Variants in SPOCK3 observed in about 807,000 individuals in gnomAD.
SPOCK3 encodes SPARC (osteonectin), cwcv and kazal like domains proteoglycan 3, also known as testican-3.
SPOCK3 carries 30 observed loss-of-function variants against 56.6 expected under a neutral mutation model. The observed-to-expected ratio is 0.53, with a 90% CI of 0.40 to 0.72. SPOCK3 has a LOEUF of 0.72. SPOCK3 is among the 30% of genes least tolerant of loss of function. SPOCK3 has a pLI of 0.00. For missense variants in SPOCK3, 527 were observed against 530.0 expected (o/e 0.99, Z 0.06); for synonymous variants, 196 against 183.3 (o/e 1.07, Z -0.56).
At chr4:166,786,108 T>C (rs1325460679) in intron 7 of SPOCK3, among the ~76,000 whole-genome samples, 1 of 152,010 alleles carries the variant, frequency 6.6e-6, no homozygotes, top group Non-Finnish European at 1.5e-5. Flanking sequence ...TGGGGTGCTG[T>C]TGCTATTTTA....
chr4:166,982,993 TA>T (rs1746753921), intron 4 of SPOCK3, among the ~76,000 whole-genome samples: 1 of 152,170 alleles, frequency 6.6e-6, no homozygotes, highest in Admixed American at 6.5e-5. Context: ...GAGATCTTGT[TA>T]GTAAGGAAGA....
rs527362793 is a variant in SPOCK3, at chr4:166,914,911, C to T, written c.351-2168G>A. ...CTTATTCCTTCCAGTTTTAACCATA[C>T]GGAACACTAAATAAACATGTTCATA... On this transcript the variant is annotated intron_variant, in intron 4 of 10. Coordinates refer to ENST00000357545, the MANE Select transcript of SPOCK3 (RefSeq NM_001040159.2). 4.7e-4 allele frequency among the ~76,000 whole-genome samples: 71 copies of T among 152,048 alleles called. 1 individual carries two copies. The highest frequency in any genetic ancestry group is 1.4e-3 in the African/African-American group (56 of 41,472).
intron 3 of SPOCK3, among the ~76,000 whole-genome samples, chr4:167,002,455 A>C (rs1055968751): frequency 2.0e-5 from 3 of 152,162 alleles, no homozygotes; most frequent in African/African-American, 4.8e-5. Context: ...TTCCATGCTA[A>C]AGTGGTCAAG....
intron 3 of SPOCK3, among the ~76,000 whole-genome samples, chr4:167,031,287 G>C (rs1189085773): frequency 6.6e-6 from 1 of 151,872 alleles, no homozygotes; most frequent in East Asian, 1.9e-4. Flanking sequence ...ATTATCAATT[G>C]TTTTATTATA....
intron 6 of SPOCK3, among the ~76,000 whole-genome samples, chr4:166,855,725 G>A (rs956861944): frequency 2.0e-5 from 3 of 152,100 alleles, no homozygotes; most frequent in Admixed American, 2.0e-4. Flanking sequence ...ATCACTCAGA[G>A]GGTAATTAAA....
intron 3 of SPOCK3, among the ~76,000 whole-genome samples, chr4:167,053,487 C>T (rs1754432204): frequency 6.6e-6 from 1 of 151,998 alleles, no homozygotes; most frequent in East Asian, 1.9e-4. Flanking sequence ...GAGTTCGAGA[C>T]CACCCTGGCC....
intron 7 of SPOCK3, among the ~76,000 whole-genome samples, chr4:166,775,376 C>T (rs147318521): frequency 0.017 from 2,555 of 152,120 alleles, 30 homozygotes; most frequent in Non-Finnish European, 0.027. Context: ...TGATCTGATC[C>T]GCTGAAATAA....
chr4:167,195,905 C>G (rs1732898652), intron 2 of SPOCK3, among the ~76,000 whole-genome samples: 1 of 152,158 alleles, frequency 6.6e-6, no homozygotes, highest in Admixed American at 6.6e-5. Flanking sequence ...GAATGGCTGC[C>G]AAGTTACTAT....
chr4:166,747,539 C>G (rs368379374), intron 8 of SPOCK3, among the ~76,000 whole-genome samples: 14 of 151,920 alleles, frequency 9.2e-5, no homozygotes, highest in East Asian at 5.8e-4. Flanking sequence ...TACTGAATGG[C>G]CAAAAACTGG....
At chr4:167,083,148 T>C in intron 2 of SPOCK3, 1 of 763,898 alleles carries the variant, frequency 1.3e-6, no homozygotes, top group Non-Finnish European at 2.4e-6. Context: ...ATGGTTGCCC[T>C]AGGCTGTTCT....
chr4:166,792,043 G>T, intron 7 of SPOCK3, 127 bp downstream of exon 7: 3 of 1,061,330 alleles, frequency 2.8e-6, no homozygotes, highest in East Asian at 2.5e-5. Flanking sequence ...AAGTAATAAC[G>T]TTCTGATTTT....
rs3082377 is a variant in SPOCK3 at position 167,078,308 on chromosome 4, C to CTGTGTGTGTGTG, written c.190-15783_190-15772dup. Among the ~76,000 whole-genome samples the CTGTGTGTGTGTG allele has an allele frequency of 1.0e-4, 11 of 105,120 alleles. No homozygotes were observed. In the East Asian group the frequency reaches 2.6e-3, roughly 25 times the overall value. The allele number at this position is 105,120 out of a possible 152,430, so 69.0% of individuals were successfully genotyped here. On this transcript the variant is annotated intron_variant, in intron 2 of 10. Transcript: ENST00000357545. ...ACCTATGTGTATCCAGGTCATAACTCTGTGTGTGTGTGTGTGTGTGTGTGT... is the reference window on the plus strand; with the variant it reads ...ACCTATGTGTATCCAGGTCATAACTCTGTGTGTGTGTGTGTGTGTGTGTGTGTGTGTGTGTGT...
chr4:167,191,937 A>T (rs939674080), intron 2 of SPOCK3, among the ~76,000 whole-genome samples: 2 of 145,462 alleles, frequency 1.4e-5, no homozygotes, highest in Non-Finnish European at 3.0e-5. Context: ...TTCTTCATTA[A>T]GTTGAAGTAC....
At chr4:167,232,490 T>C (rs948676026) in intron 2 of SPOCK3, among the ~76,000 whole-genome samples, 2 of 152,188 alleles carry the variant, frequency 1.3e-5, no homozygotes, top group African/African-American at 4.8e-5. Context: ...AATGTCATAA[T>C]GTCAAACACT....
intron 4 of SPOCK3, among the ~76,000 whole-genome samples, chr4:166,942,042 A>C (rs1362720265): frequency 6.6e-6 from 1 of 152,222 alleles, no homozygotes; most frequent in African/African-American, 2.4e-5. Context: ...AATAAAAAAA[A>C]CTGTTATAAT....
intron 5 of SPOCK3, among the ~76,000 whole-genome samples, chr4:166,906,018 T>C (rs887812159): frequency 2.0e-5 from 3 of 151,960 alleles, no homozygotes; most frequent in African/African-American, 7.2e-5. Context: ...CTGCACAATA[T>C]CTAAAAAATG....
chr4:166,792,299 G>C lies in SPOCK3; in HGVS notation c.590-10C>G, dbSNP rs778946420. 1.7e-5 allele frequency: 27 copies of C among 1,613,312 alleles called. No homozygotes were observed. The African/African-American group carries it at 3.6e-4, about 22-fold the overall frequency. ...TCCAGGTCACTGCATGCTAAAAACAGAGAAACAACACAAGTCTTGAATAAT... is the reference window on the plus strand; with the variant it reads ...TCCAGGTCACTGCATGCTAAAAACACAGAAACAACACAAGTCTTGAATAAT... On this transcript the variant is annotated splice_polypyrimidine_tract_variant and intron_variant, in intron 6 of 10. Transcript: ENST00000357545.
At chr4:166,893,353 T>A (rs1190190075) in intron 5 of SPOCK3, among the ~76,000 whole-genome samples, 1 of 152,088 alleles carries the variant, frequency 6.6e-6, no homozygotes, top group Non-Finnish European at 1.5e-5. Flanking sequence ...ACAAACCAAC[T>A]GTCAATAACA....
intron 6 of SPOCK3, among the ~76,000 whole-genome samples, chr4:166,841,497 A>G (rs779001679): frequency 1.3e-5 from 2 of 152,178 alleles, no homozygotes; most frequent in Non-Finnish European, 2.9e-5. Flanking sequence ...AAAATAAGGA[A>G]TCATTCTCTG....
Sources: allele counts gnomAD v4.1 joint callset (sites outside exome capture counted in the v4.1 genomes callset), GRCh38; gene constraint gnomAD v4.1.1; transcripts MANE v1.5; gene names NCBI Gene and HGNC (gene_info 2026-07-23, HGNC 2026-07-21).